Variants in IDO2 observed in about 807,000 individuals in gnomAD.
The protein encoded by IDO2 is indoleamine 2,3-dioxygenase-like 1 protein.
Under a neutral mutation model 45.1 loss-of-function variants are expected in IDO2, and 46 were observed. That is an observed-to-expected ratio of 1.02 (90% CI 0.80 to 1.30). The LOEUF (loss-of-function observed/expected upper bound fraction) is 1.30. Ranked by LOEUF, IDO2 falls within the 50% of genes most tolerant of loss-of-function variation. The pLI is 0.00. For synonymous variants in IDO2, 218 were observed against 184.9 expected, an observed-to-expected ratio of 1.18 and a Z score of -1.45; for missense variants, 544 against 491.8, an observed-to-expected ratio of 1.11 and a Z score of -1.00.
chr8:39,946,891 G>A (rs1049371162), intron 1 of IDO2, among the ~76,000 whole-genome samples: 1 of 151,974 alleles, frequency 6.6e-6, no homozygotes, highest in African/African-American at 2.4e-5. Flanking sequence ...TGGGAGAGGT[G>A]GCTCATGCCT....
intron 8 of IDO2, among the ~76,000 whole-genome samples, chr8:39,995,927 C>T (rs988674733): frequency 6.6e-6 from 1 of 152,224 alleles, no homozygotes; most frequent in Middle Eastern, 3.4e-3. Flanking sequence ...CGTGGTCTAG[C>T]GGTAGCGTCA....
In IDO2 at chr8:39,949,281, G is replaced by C. The variant is rs1349533800; in HGVS notation, c.99+17G>C. ...GATTCTCTGGTAAGGATAGAGCCTT[G>C]GTAAGGATAGGTCAGAATATGTTTC... On this transcript the variant is annotated intron_variant, in intron 2 of 10. Coordinates refer to ENST00000502986, the Ensembl canonical transcript of IDO2. The C allele has an allele frequency of 6.4e-6, 10 of 1,551,476 alleles. No homozygotes were observed. Among genetic ancestry groups the C allele is most frequent in the Non-Finnish European group, 8.8e-6 (10 of 1,141,552 alleles).
At chr8:39,970,902 G>A (rs1808168375) in intron 3 of IDO2, among the ~76,000 whole-genome samples, 1 of 151,588 alleles carries the variant, frequency 6.6e-6, no homozygotes, top group Non-Finnish European at 1.5e-5. Flanking sequence ...GAGTAGCTGG[G>A]ACTACAGGCA....
chr8:39,980,555 TAA>T (rs1261154445), intron 4 of IDO2, among the ~76,000 whole-genome samples: 1 of 152,162 alleles, frequency 6.6e-6, no homozygotes, highest in African/African-American at 2.4e-5. Context: ...CTGTTATTTT[TAA>T]AAGTGTGCCT....
chr8:40,009,060 G>A (rs1042873875), intron 9 of IDO2, among the ~76,000 whole-genome samples: 3 of 151,908 alleles, frequency 2.0e-5, no homozygotes, highest in African/African-American at 4.8e-5. Flanking sequence ...TGTCGCCCAG[G>A]CTGGAGCGCA....
intron 8 of IDO2, among the ~76,000 whole-genome samples, chr8:39,996,144 C>A (rs968362124): frequency 6.6e-6 from 1 of 151,414 alleles, no homozygotes; most frequent in Non-Finnish European, 1.5e-5. Flanking sequence ...TCCCTTTCCC[C>A]GGGGGAGTTA....
At chr8:39,960,943 CAG>C (rs1807985728) in intron 2 of IDO2, among the ~76,000 whole-genome samples, 1 of 148,302 alleles carries the variant, frequency 6.7e-6, no homozygotes, top group Non-Finnish European at 1.5e-5. Flanking sequence ...CCAACACGCC[CAG>C]CTAATTTTTT....
At chr8:39,961,667 G>A (rs1807999783) in intron 2 of IDO2, among the ~76,000 whole-genome samples, 1 of 152,048 alleles carries the variant, frequency 6.6e-6, no homozygotes, top group African/African-American at 2.4e-5. Flanking sequence ...ACTTTAAACT[G>A]TGTATCCAAC....
chr8:40,008,133 A>G (rs1802250477), intron 9 of IDO2, among the ~76,000 whole-genome samples: 1 of 138,350 alleles, frequency 7.2e-6, no homozygotes, highest in African/African-American at 2.8e-5. Flanking sequence ...CACAACCTCC[A>G]TCTCCCGGGT....
At chr8:39,967,270 C>T (rs970776696) in intron 3 of IDO2, among the ~76,000 whole-genome samples, 5 of 152,018 alleles carry the variant, frequency 3.3e-5, no homozygotes, top group African/African-American at 1.2e-4. Context: ...AACATATAAG[C>T]ACAAAATTTT....
chr8:40,015,426 A>G (rs1802373380), exon 11 of IDO2: 1 of 1,613,962 alleles, frequency 6.2e-7, no homozygotes, highest in Non-Finnish European at 8.5e-7. Context: ...TCACATCACC[A>G]TGGTCACCAA....
chr8:40,000,920 C>T (rs1802124897), intron 8 of IDO2, among the ~76,000 whole-genome samples: 1 of 152,114 alleles, frequency 6.6e-6, no homozygotes, highest in Admixed American at 6.6e-5. Context: ...TGTTTATTGC[C>T]AGTCTGATAG....
At chr8:39,977,413 T>A (rs535893274) in intron 3 of IDO2, among the ~76,000 whole-genome samples, 2 of 152,360 alleles carry the variant, frequency 1.3e-5, no homozygotes, top group Non-Finnish European at 2.9e-5. Context: ...AGGCTGGGCA[T>A]AAGTAAGCCT....
At chr8:39,946,379 G>A (rs1807730143) in intron 1 of IDO2, among the ~76,000 whole-genome samples, 2 of 152,204 alleles carry the variant, frequency 1.3e-5, no homozygotes, top group African/African-American at 4.8e-5. Flanking sequence ...GGAGGCCAAG[G>A]CAGGCGGATC....
intron 3 of IDO2, among the ~76,000 whole-genome samples, chr8:39,973,769 T>C (rs1191494160): frequency 6.8e-6 from 1 of 148,120 alleles, no homozygotes; most frequent in Non-Finnish European, 1.5e-5. Flanking sequence ...TGAGATGGAG[T>C]CTTGCTCTGT....
chr8:39,956,555 C>A (rs937767584), intron 2 of IDO2, among the ~76,000 whole-genome samples: 12 of 152,014 alleles, frequency 7.9e-5, no homozygotes, highest in Admixed American at 5.2e-4. Flanking sequence ...TTCCCAAATG[C>A]GAACTCAACT....
intron 1 of IDO2, among the ~76,000 whole-genome samples, chr8:39,940,085 G>C (rs1807621086): frequency 6.6e-6 from 1 of 152,158 alleles, no homozygotes; most frequent in African/African-American, 2.4e-5. Context: ...TGTTACGAAA[G>C]AAAGTTTCTA....
At chr8:40,005,358 C>T in exon 9 of IDO2, 2 of 1,581,452 alleles carry the variant, frequency 1.3e-6, no homozygotes, top group East Asian at 2.2e-5. Flanking sequence ...TTTATGCAGG[C>T]ATCCGGATCT....
chr8:40,015,806 C>T (rs1472919292), exon 11 of IDO2: 2 of 566,216 alleles, frequency 3.5e-6, no homozygotes, highest in Non-Finnish European at 6.3e-6. Context: ...TCCCTCCCTA[C>T]CTGATCACTG....
Sources: allele counts gnomAD v4.1 joint callset (sites outside exome capture counted in the v4.1 genomes callset), GRCh38; gene constraint gnomAD v4.1.1; transcripts MANE v1.5; gene names NCBI Gene and HGNC (gene_info 2026-07-23, HGNC 2026-07-21).